The following DCAF6 variants were observed in gnomAD, a reference collection of about 807,000 sequenced individuals.
DCAF6 encodes the protein DDB1 and CUL4 associated factor 6, also known as DDB1- and CUL4-associated factor 6.
Under a neutral mutation model 125.1 loss-of-function variants are expected in DCAF6, and 54 were observed. The ratio of observed to expected loss-of-function variants is 0.43; its 90% confidence interval spans 0.35 to 0.54. DCAF6 has a LOEUF of 0.54. DCAF6 is among the 20% of genes least tolerant of loss of function. The pLI is 0.01. For missense variants in DCAF6, 934 were observed against 1,161.7 expected (o/e 0.80, Z 2.85); for synonymous variants, 371 against 390.4 (o/e 0.95, Z 0.58).
At chr1:167,964,244 A>G (rs1676051408) in intron 2 of DCAF6, among the ~76,000 whole-genome samples, 1 of 152,188 alleles carries the variant, frequency 6.6e-6, no homozygotes, top group South Asian at 2.1e-4. Context: ...GCTGGCAACA[A>G]ATTCCCTCAA....
At chr1:167,972,349 T>A (rs1677462912) in intron 3 of DCAF6, among the ~76,000 whole-genome samples, 1 of 152,220 alleles carries the variant, frequency 6.6e-6, no homozygotes, top group East Asian at 1.9e-4. Context: ...CTTTGAACAA[T>A]TATTCATTAA....
intron 4 of DCAF6, among the ~76,000 whole-genome samples, chr1:167,985,198 TGTGTGTGTGTGTG>T (rs1237444853): frequency 3.3e-5 from 5 of 149,448 alleles, no homozygotes; most frequent in Non-Finnish European, 5.9e-5. Context: ...TGTGTGTGTG[TGTGTGTGTGTGTG>T]GTGTGTGTGT....
the DCAF6 span, among the ~76,000 whole-genome samples, chr1:167,874,959 G>A: frequency 6.6e-6 from 1 of 152,198 alleles, no homozygotes; most frequent in Non-Finnish European, 1.5e-5. Context: ...GGGAAAGGAA[G>A]AAGGAAAGAG....
the DCAF6 span, among the ~76,000 whole-genome samples, chr1:167,925,555 G>GTT: frequency 2.0e-5 from 1 of 49,732 alleles, no homozygotes; most frequent in Non-Finnish European, 4.3e-5. Flanking sequence ...GGTTTTTTTT[G>GTT]TTTTTTTTTG....
chr1:168,059,423 G>A (rs1691305611), intron 17 of DCAF6, among the ~76,000 whole-genome samples: 2 of 152,112 alleles, frequency 1.3e-5, no homozygotes, highest in South Asian at 4.1e-4. Flanking sequence ...TAGCTTTTTA[G>A]TAAATCTTAA....
intron 21 of DCAF6, among the ~76,000 whole-genome samples, chr1:168,073,949 A>AT (rs1357096661): frequency 6.7e-6 from 1 of 148,446 alleles, no homozygotes; most frequent in East Asian, 2.0e-4. Context: ...TTGTTCATTT[A>AT]TTTTATAAAT....
At chr1:167,997,802 T>TA (rs1465853208) in intron 7 of DCAF6, among the ~76,000 whole-genome samples, 3 of 152,040 alleles carry the variant, frequency 2.0e-5, no homozygotes, top group Non-Finnish European at 4.4e-5. Context: ...AAAAGACAAA[T>TA]ATCCAAACTT....
chr1:167,961,862 T>C (rs1675655664), intron 2 of DCAF6, among the ~76,000 whole-genome samples: 1 of 152,232 alleles, frequency 6.6e-6, no homozygotes, highest in Non-Finnish European at 1.5e-5. Context: ...AAATTTCCTC[T>C]GAGAACTACT....
intron 17 of DCAF6, among the ~76,000 whole-genome samples, chr1:168,054,268 G>A (rs1205773095): frequency 6.6e-6 from 1 of 152,138 alleles, no homozygotes; most frequent in Non-Finnish European, 1.5e-5. Context: ...GGCCACAATG[G>A]TACAAGCCTT....
the DCAF6 span, among the ~76,000 whole-genome samples, chr1:167,927,855 G>T: frequency 0.03 from 4,638 of 152,260 alleles, 235 homozygotes; most frequent in African/African-American, 0.11. Flanking sequence ...AGGTATTTTA[G>T]TGAGTGAATA....
At chr1:168,005,286 T>A (rs938955636) in intron 10 of DCAF6, among the ~76,000 whole-genome samples, 38 of 152,104 alleles carry the variant, frequency 2.5e-4, no homozygotes, top group African/African-American at 8.7e-4. Flanking sequence ...TACCAAAAAA[T>A]TTGTTTCTCT....
chr1:168,027,585 A>G (rs558642771), intron 12 of DCAF6, among the ~76,000 whole-genome samples: 5 of 152,264 alleles, frequency 3.3e-5, no homozygotes, highest in African/African-American at 9.6e-5. Flanking sequence ...TTATGTCACA[A>G]AATATTTCTT....
At chr1:168,022,803 G>C (rs769157653) in intron 11 of DCAF6, among the ~76,000 whole-genome samples, 185 bp from the exon 12 acceptor site, 38 of 152,194 alleles carry the variant, frequency 2.5e-4, no homozygotes, top group Admixed American at 5.2e-4. Flanking sequence ...GTTACTAAAT[G>C]CTTGCCTGGA....
chr1:168,019,558 A>G (rs1473284331), intron 11 of DCAF6: 1 of 456,234 alleles, frequency 2.2e-6, no homozygotes, highest in Admixed American at 2.3e-5. Context: ...CCCTGAAGTC[A>G]TGGGTTGCTG....
intron 2 of DCAF6, among the ~76,000 whole-genome samples, chr1:167,955,155 T>C (rs1234776520): frequency 6.6e-6 from 1 of 152,250 alleles, no homozygotes; most frequent in Non-Finnish European, 1.5e-5. Flanking sequence ...GGATAAATCA[T>C]AATGTTTATC....
chr1:167,917,193 T>A, the DCAF6 span: 15 of 152,274 alleles, frequency 9.9e-5, no homozygotes, highest in Admixed American at 6.5e-4. Flanking sequence ...ATTTGTAGCG[T>A]GGAGTAATGT....
the DCAF6 span, among the ~76,000 whole-genome samples, chr1:167,869,437 G>C: frequency 0.054 from 8,156 of 152,194 alleles, 654 homozygotes; most frequent in African/African-American, 0.18. Flanking sequence ...TGAGGGAAGA[G>C]AGAGACCCTC....
At chr1:168,045,353 A>T in intron 16 of DCAF6, 126 bp downstream of exon 16, 1 of 795,428 alleles carries the variant, frequency 1.3e-6, no homozygotes, top group Non-Finnish European at 1.9e-6. Flanking sequence ...ATTCATATAA[A>T]CTTAAAGAAA....
In DCAF6 at chr1:167,991,430, A is replaced by T. The variant is rs539692470; in HGVS notation, c.688+91A>T. On this transcript the variant is annotated intron_variant, in intron 6 of 21. Coordinates refer to ENST00000367840, the MANE Select transcript of DCAF6 (RefSeq NM_001198956.2). Reference sequence around the variant, plus strand: ...TCAGTTTTAAAATTTCTTGTTTGTTATAAAATTTCAGAAAATAGTATTTGT... The same window carrying T: ...TCAGTTTTAAAATTTCTTGTTTGTTTTAAAATTTCAGAAAATAGTATTTGT... 1.8e-4 allele frequency: 231 copies of T among 1,288,124 alleles called. 5 individuals are homozygous for T. The South Asian group carries it at 3.9e-3, about 22-fold the overall frequency. The allele number at this position is 1,288,124 out of a possible 1,614,324, so 79.8% of individuals were successfully genotyped here.
Sources: gnomAD v4.1 joint callset for allele counts (sites outside exome capture counted in the v4.1 genomes callset) on GRCh38, gnomAD v4.1.1 for gene constraint, MANE v1.5 for transcripts, NCBI Gene and HGNC (gene_info 2026-07-23, HGNC 2026-07-21) for gene names.